The following KCND1 variants were observed in gnomAD, a reference collection of about 807,000 sequenced individuals.
The protein encoded by KCND1 is A-type voltage-gated potassium channel KCND1.
Under a neutral mutation model 31.8 loss-of-function variants are expected in KCND1, and 11 were observed. The observed-to-expected ratio is 0.35, with a 90% CI of 0.22 to 0.57. The LOEUF is 0.57. Ranked by LOEUF, KCND1 falls within the 20% of genes least tolerant of loss-of-function variation. The pLI, the probability that KCND1 is intolerant of heterozygous loss-of-function variation, is 0.85. For synonymous variants in KCND1, 234 were observed against 248.1 expected, an observed-to-expected ratio of 0.94 and a Z score of 0.53; for missense variants, 471 against 596.8, an observed-to-expected ratio of 0.79 and a Z score of 2.20.
At position 48,970,429 on chromosome X, in the gene KCND1, A is replaced by C; in HGVS notation, c.-158T>G. On this transcript the variant is annotated 5_prime_UTR_variant, in exon 1 of 6. Transcript: ENST00000218176. ...CAAGAGGAACCAGGAGGAAGAACTAAAGAGATGGGAAGGAGTCTGGGGGAC... is the reference window on the plus strand; with the variant it reads ...CAAGAGGAACCAGGAGGAAGAACTACAGAGATGGGAAGGAGTCTGGGGGAC... The C allele has an allele frequency of 2.2e-6, 1 of 460,432 alleles. No individual in the cohort carries two copies. The highest frequency in any genetic ancestry group is 3.6e-6 in the Non-Finnish European group (1 of 276,446). 37.9% of individuals were successfully genotyped at this position (460,432 alleles called of 1,213,427 possible).
At position 48,970,433 on chromosome X, in the gene KCND1, G is replaced by A. The variant is rs782552569; in HGVS notation, c.-162C>T. On this transcript the variant is annotated 5_prime_UTR_variant, in exon 1 of 6. Coordinates refer to ENST00000218176, the MANE Select transcript of KCND1 (RefSeq NM_004979.6). ...AGGAACCAGGAGGAAGAACTAAAGA[G>A]ATGGGAAGGAGTCTGGGGGACATTT... 12 of 457,437 alleles carry A rather than the reference G, an allele frequency of 2.6e-5. No individual in the cohort carries two copies. The highest frequency in any genetic ancestry group is 1.3e-4 in the Admixed American group (3 of 22,978). The allele number at this position is 457,437 out of a possible 1,213,427, so 37.7% of individuals were successfully genotyped here.
rs1557058872 is a variant in KCND1, at chrX:48,970,997, G to GC, written c.-727dup. ...GGACTGCCTAGAGTTGCCAAGAATA[G>GC]CCCGGGGGGGTGTCTATACTCTACA... is the stretch of plus-strand genomic sequence containing the variant. On this transcript the variant is annotated 5_prime_UTR_variant, in exon 1 of 6. Coordinates refer to ENST00000218176, the MANE Select transcript of KCND1 (RefSeq NM_004979.6). The GC allele has an allele frequency of 9.1e-6, 1 of 110,361 alleles. No homozygotes were observed. Among genetic ancestry groups the GC allele is most frequent in the Admixed American group, 9.6e-5 (1 of 10,413 alleles). 9.1% of individuals were successfully genotyped at this position (110,361 alleles called of 1,213,427 possible).
Position 48,966,257 on chromosome X carries a change from C to G in KCND1, c.1516G>C (p.Val506Leu), listed in dbSNP as rs202044005. Reference sequence around the variant, plus strand: ...CGGCTGGTGCGGCCACCCGGCGAGACGGCTCCCAGGGCTTCACTGAAGGTG... The same window carrying G: ...CGGCTGGTGCGGCCACCCGGCGAGAGGGCTCCCAGGGCTTCACTGAAGGTG... ...ELTFSEALGA[V>L]SPGGRTSRST... The change falls in exon 5 of 6, where the codon GTC becomes CTC. Residue 506 changes from valine (V) to leucine (L), a missense_variant. Physicochemically the swap from Val to Leu is conservative, Grantham distance 32 (BLOSUM62 1). Coordinates refer to ENST00000218176, the MANE Select transcript of KCND1 (RefSeq NM_004979.6). 1 of 1,194,856 alleles carries G rather than the reference C, an allele frequency of 8.4e-7. No homozygotes were observed. Among genetic ancestry groups the G allele is most frequent in the Non-Finnish European group, 1.1e-6 (1 of 888,186 alleles).
In KCND1 at chrX:48,970,052, A is replaced by C. The variant is rs1557058704; in HGVS notation, c.220T>G (p.Phe74Val). 8.3e-7 allele frequency: 1 copy of C among 1,210,961 alleles called. No individual in the cohort carries two copies. Residue 74 changes from phenylalanine to valine, a missense_variant, in exon 1 of 6, where the codon TTC becomes GTC. Physicochemically the swap from Phe to Val is conservative, Grantham distance 50. Coordinates refer to ENST00000218176, the MANE Select transcript of KCND1 (RefSeq NM_004979.6). Reference sequence around the variant, plus strand: ...TACTCGCCTGAGTCAGCATCGTAGAAGAATTCCTTCTCCGAGCTGCCCAGC... The same window carrying C: ...TACTCGCCTGAGTCAGCATCGTAGACGAATTCCTTCTCCGAGCTGCCCAGC... ...TLLGSSEKEF[F>V]YDADSGEYFF...
intron 5 of KCND1, among the ~76,000 whole-genome samples, chrX:48,964,106 G>C (rs781790883): frequency 6.2e-5 from 7 of 112,723 alleles, no homozygotes; most frequent in Non-Finnish European, 9.4e-5. Flanking sequence ...CACCAGCCAA[G>C]AGTGGTGGCT....
chrX:48,970,571 G>T lies in KCND1; in HGVS notation c.-300C>A. 3.6e-6 allele frequency: 1 copy of T among 280,439 alleles called. No homozygotes were observed. Among genetic ancestry groups the T allele is most frequent in the Admixed American group, 6.1e-5 (1 of 16,329 alleles). 23.1% of individuals were successfully genotyped at this position (280,439 alleles called of 1,213,427 possible). A position where few individuals can be genotyped will look rare whatever the true frequency, so the allele number is the denominator to read the frequency against. Reference sequence around the variant, plus strand: ...ATGGGGCCAAGAAGGAGCTGAGGGAGGGTTTAGAGAGACTGAGATGATTCT... The same window carrying T: ...ATGGGGCCAAGAAGGAGCTGAGGGATGGTTTAGAGAGACTGAGATGATTCT... On this transcript the variant is annotated 5_prime_UTR_variant, in exon 1 of 6. Transcript: ENST00000218176.
rs2064384454 is a variant in KCND1 at position 48,970,868 on chromosome X, C to T, written c.-597G>A. ...ACACCCTCAAGACTTCTAGGGGAAGCATAAGAGGGTTAGACCCCCCTCATG... is the reference window on the plus strand; with the variant it reads ...ACACCCTCAAGACTTCTAGGGGAAGTATAAGAGGGTTAGACCCCCCTCATG... On this transcript the variant is annotated 5_prime_UTR_variant, in exon 1 of 6. The change abolishes an upstream ATG in the 5' untranslated region. Transcript: ENST00000218176. 9.1e-6 allele frequency: 1 copy of T among 110,314 alleles called. No homozygotes were observed. 9.1% of individuals were successfully genotyped at this position (110,314 alleles called of 1,213,427 possible).
chrX:48,969,482 T>G lies in KCND1; in HGVS notation c.790A>C (p.Met264Leu). Residue 264 changes from methionine to leucine, a missense_variant, in exon 1 of 6, where the codon ATG becomes CTG. Around this residue, in one of 3 missense-constraint regions of KCND1, gnomAD observed 212 missense variants for 257.9 expected, o/e 0.82. Coordinates refer to ENST00000218176, the MANE Select transcript of KCND1 (RefSeq NM_004979.6). Reference protein sequence around the residue: ...PSRCRFLRSVMSLIDVVAILP... With the variant: ...PSRCRFLRSVLSLIDVVAILP... ...ATGGCCACCACGTCGATGAGGCTCATGACACTCCGCAGGAAGCGGCAACGG... is the reference window on the plus strand; with the variant it reads ...ATGGCCACCACGTCGATGAGGCTCAGGACACTCCGCAGGAAGCGGCAACGG... 4 of 1,211,301 alleles carry G rather than the reference T, an allele frequency of 3.3e-6. No individual in the cohort carries two copies. The highest frequency in any genetic ancestry group is 4.5e-6 in the Non-Finnish European group (4 of 895,227).
At chrX:48,966,876 G>A (rs1557058118) in intron 2 of KCND1, 32 bp from the exon 3 acceptor site, 1 of 1,201,593 alleles carries the variant, frequency 8.3e-7, no homozygotes, top group South Asian at 1.8e-5. Flanking sequence ...GGTCAGGTGG[G>A]TAAGCCCCAA....
chrX:48,966,481 C>A, intron 4 of KCND1, 97 bp downstream of exon 4: 3 of 1,030,817 alleles, frequency 2.9e-6, no homozygotes, highest in Non-Finnish European at 3.9e-6. Context: ...GTGTGATTTC[C>A]ACAATTTGTA....
rs1557058409 is a variant in KCND1 at position 48,969,225 on chromosome X, C to T, written c.1047G>A (p.Lys349=). The T allele has an allele frequency of 3.3e-6, 4 of 1,210,259 alleles. No homozygotes were observed. The highest frequency in any genetic ancestry group is 1.8e-5 in the South Asian group (1 of 56,692). ...IFATVMFYAE[K]GTNKTNFTSI... ...TTGTAAAGTTGGTCTTGTTTGTGCC[C>T]TTCTCAGCATAAAACATGACAGTGG... is the stretch of plus-strand genomic sequence containing the variant. The change falls in exon 1 of 6, where the codon AAG becomes AAA. Residue 349 remains lysine (K), a synonymous_variant. Coordinates refer to ENST00000218176, the MANE Select transcript of KCND1 (RefSeq NM_004979.6).
intron 5 of KCND1, 30 bp downstream of exon 5, chrX:48,966,025 G>T (rs2064350214): frequency 1.7e-6 from 2 of 1,198,608 alleles, no homozygotes; most frequent in African/African-American, 1.7e-5. Flanking sequence ...GCTTCCCCAG[G>T]TGTGGCTAGC....
At chrX:48,967,753 C>T (rs1489878175) in intron 1 of KCND1, 1 of 112,002 alleles carries the variant, frequency 8.9e-6, no homozygotes, top group Admixed American at 9.5e-5. Context: ...AATCAGAACT[C>T]CTCCAGAGAA....
In KCND1 at chrX:48,966,670, C is replaced by T. The variant is rs782679992; in HGVS notation, c.1375G>A (p.Gly459Ser). The T allele has an allele frequency of 1.3e-5, 16 of 1,209,338 alleles. No individual in the cohort carries two copies. In the South Asian group the frequency reaches 2.1e-4, roughly 16 times the overall value. The change falls in exon 4 of 6, where the codon GGC becomes AGC. Residue 459 changes from glycine (G) to serine (S), a missense_variant. Physicochemically the swap from Gly to Ser is moderately conservative, Grantham distance 56. This residue lies in a region of KCND1 where 185 missense variants were observed against 184.7 expected (regional missense o/e 1.00). Transcript: ENST00000218176. ...YKQNGGLEDS[G>S]SGEEQALCVR... is the part of the protein sequence containing the mutation. ...CAAAGAGCCTGTTCCTCGCCACTGCCGCTGTCCTGGAGTAGATGGAGCAGA... is the reference window on the plus strand; with the variant it reads ...CAAAGAGCCTGTTCCTCGCCACTGCTGCTGTCCTGGAGTAGATGGAGCAGA...
chrX:48,970,189 G>A lies in KCND1; in HGVS notation c.83C>T (p.Pro28Leu). The A allele has an allele frequency of 8.3e-7, 1 of 1,209,155 alleles. No individual in the cohort carries two copies. The highest frequency in any genetic ancestry group is 1.1e-6 in the Non-Finnish European group (1 of 894,299). Reference sequence around the variant, plus strand: ...AGATGCCTTCACCCCCGGTGCCGGGGGCAGGGGTTGCTGGGCCAGGGGCAG... The same window carrying A: ...AGATGCCTTCACCCCCGGTGCCGGGAGCAGGGGTTGCTGGGCCAGGGGCAG... The part of the protein sequence containing the change: ...GWLPLAQQPL[P>L]PAPGVKASRG... Residue 28 changes from proline to leucine, a missense_variant, in exon 1 of 6, where the codon CCC (proline) becomes CTC (leucine). By Grantham distance (98) the Pro-to-Leu change is moderately conservative (BLOSUM62 -3). Around this residue, in one of 3 missense-constraint regions of KCND1, gnomAD observed 212 missense variants for 257.9 expected, o/e 0.82. Coordinates refer to ENST00000218176, the MANE Select transcript of KCND1 (RefSeq NM_004979.6).
At chrX:48,965,569 T>G (rs1460630077) in intron 5 of KCND1, among the ~76,000 whole-genome samples, 1 of 111,816 alleles carries the variant, frequency 8.9e-6, no homozygotes, top group African/African-American at 3.2e-5. Flanking sequence ...GCTCAATAAA[T>G]ATTTGGTGAA....
chrX:48,964,720 C>CAA (rs781959853), intron 5 of KCND1, among the ~76,000 whole-genome samples: 5 of 73,470 alleles, frequency 6.8e-5, no homozygotes, highest in African/African-American at 2.9e-4. Context: ...AACTTCGTCT[C>CAA]AAAAAAAAAA....
chrX:48,967,425 A>T, intron 1 of KCND1: 1 of 257,961 alleles, frequency 3.9e-6, no homozygotes, highest in East Asian at 7.6e-5. Context: ...AGAGAGTCCC[A>T]GCACCACAGG....
In KCND1 at chrX:48,966,629, A is replaced by G; in HGVS notation, c.1416T>C (p.Ser472=). 1 of 1,210,618 alleles carries G rather than the reference A, an allele frequency of 8.3e-7. No homozygotes were observed. Among genetic ancestry groups the G allele is most frequent in the Non-Finnish European group, 1.1e-6 (1 of 894,961 alleles). Residue 472 remains serine (S), a synonymous_variant, in exon 4 of 6, where the codon TCT becomes TCC. Coordinates refer to ENST00000218176, the MANE Select transcript of KCND1 (RefSeq NM_004979.6). ...AGTGGTGATGTTGCTGTTCAAAGGC[A>G]GAACGGTTCCTGACACAAAGAGCCT... ...EEQALCVRNR[S]AFEQQHHHLL...
Sources: allele counts gnomAD v4.1 joint callset (sites outside exome capture counted in the v4.1 genomes callset), GRCh38; gene constraint gnomAD v4.1.1; regional missense constraint gnomAD v4.1.1; transcripts MANE v1.5; gene names NCBI Gene and HGNC (gene_info 2026-07-23, HGNC 2026-07-21).